The following PI4K2A variants were observed in gnomAD, a reference collection of about 807,000 sequenced individuals.
PI4K2A encodes phosphatidylinositol 4-kinase type 2 alpha.
PI4K2A carries 20 observed loss-of-function variants against 55.0 expected under a neutral mutation model. The observed-to-expected ratio is 0.36, with a 90% CI of 0.26 to 0.53. PI4K2A has a LOEUF of 0.53. Among genes scored for constraint, PI4K2A ranks in the 20% least tolerant of loss-of-function variants. The pLI, the probability that PI4K2A is intolerant of heterozygous loss-of-function variation, is 0.91. For missense variants in PI4K2A, 463 were observed against 637.1 expected (o/e 0.73, Z 2.94); for synonymous variants, 235 against 258.5 (o/e 0.91, Z 0.87).
intron 4 of PI4K2A, among the ~76,000 whole-genome samples, chr10:97,661,676 T>C (rs995214961): frequency 1.2e-4 from 18 of 152,050 alleles, no homozygotes; most frequent in African/African-American, 4.3e-4. Context: ...GTTTCTTAAA[T>C]GTCTTCAATT....
chr10:97,643,907 G>T (rs879180212), intron 1 of PI4K2A, among the ~76,000 whole-genome samples: 1 of 152,124 alleles, frequency 6.6e-6, no homozygotes, highest in South Asian at 2.1e-4. Flanking sequence ...TATTATCCCC[G>T]CAGGTGACAA....
At chr10:97,663,034 T>C (rs1331962239) in intron 5 of PI4K2A, 66 bp downstream of exon 5, 1 of 1,039,618 alleles carries the variant, frequency 9.6e-7, no homozygotes, top group Non-Finnish European at 1.5e-6. Flanking sequence ...ACACATAAAA[T>C]GGTCAGAGAT....
chr10:97,657,154 C>G (rs1280016403), intron 4 of PI4K2A, among the ~76,000 whole-genome samples, 180 bp downstream of exon 4: 1 of 152,150 alleles, frequency 6.6e-6, no homozygotes, highest in African/African-American at 2.4e-5. Flanking sequence ...TTCCTGGTTC[C>G]AGACAGAAGA....
intron 1 of PI4K2A, among the ~76,000 whole-genome samples, chr10:97,650,677 G>T (rs997313948): frequency 6.6e-6 from 1 of 152,216 alleles, no homozygotes; most frequent in Admixed American, 6.5e-5. Context: ...AGGGAAAAGA[G>T]ATGGAGAAGA....
intron 1 of PI4K2A, among the ~76,000 whole-genome samples, chr10:97,650,512 C>G (rs10160210): frequency 0.025 from 3,874 of 152,166 alleles, 154 homozygotes; most frequent in East Asian, 0.14. Flanking sequence ...AAACTCCTGG[C>G]CTCAAATTAT....
intron 6 of PI4K2A, among the ~76,000 whole-genome samples, chr10:97,665,653 C>T (rs60640003): frequency 0.014 from 2,007 of 147,340 alleles, 39 homozygotes; most frequent in African/African-American, 0.048. Flanking sequence ...AGTGCAGTGG[C>T]GCGATCTCGG....
rs376952435 is a variant in PI4K2A, at chr10:97,667,172, T to A, written c.1278+52T>A. 1.1e-5 allele frequency: 15 copies of A among 1,342,424 alleles called. No homozygotes were observed. The African/African-American group carries it at 1.9e-4, about 17-fold the overall frequency. 83.2% of individuals were successfully genotyped at this position (1,342,424 alleles called of 1,614,324 possible). ...CTTTGGCGTCTCTGGGAGTGTTGTGTGCTCAGGTTGAGCAAATGTTTGAAG... is the reference window on the plus strand; with the variant it reads ...CTTTGGCGTCTCTGGGAGTGTTGTGAGCTCAGGTTGAGCAAATGTTTGAAG... On this transcript the variant is annotated intron_variant, in intron 8 of 8. Transcript: ENST00000370631.
intron 4 of PI4K2A, among the ~76,000 whole-genome samples, chr10:97,659,242 C>T (rs1015914334): frequency 3.3e-5 from 5 of 151,448 alleles, no homozygotes; most frequent in Non-Finnish European, 7.3e-5. Context: ...CTGCGTTGCC[C>T]AGACTGGTCT....
intron 1 of PI4K2A, among the ~76,000 whole-genome samples, chr10:97,643,288 C>CT (rs2041487805): frequency 6.6e-6 from 1 of 152,088 alleles, no homozygotes; most frequent in African/African-American, 2.4e-5. Flanking sequence ...CATGCCTGTC[C>CT]TTTTTTTGTG....
At chr10:97,670,736 G>A (rs2041630850) in intron 8 of PI4K2A, among the ~76,000 whole-genome samples, 1 of 152,166 alleles carries the variant, frequency 6.6e-6, no homozygotes, top group Non-Finnish European at 1.5e-5. Flanking sequence ...TTGTGTAAGA[G>A]GATATTTGTG....
chr10:97,649,593 C>A (rs1483498355), intron 1 of PI4K2A, among the ~76,000 whole-genome samples: 2 of 145,822 alleles, frequency 1.4e-5, no homozygotes, highest in East Asian at 4.0e-4. Flanking sequence ...ATTTCCTTAA[C>A]CTCATTCCAT....
At chr10:97,651,950 G>A (rs993018891) in intron 2 of PI4K2A, among the ~76,000 whole-genome samples, 1 of 152,088 alleles carries the variant, frequency 6.6e-6, no homozygotes, top group African/African-American at 2.4e-5. Flanking sequence ...CACTGAGTAC[G>A]TGGCTACCTG....
At chr10:97,647,295 T>C (rs2041509519) in intron 1 of PI4K2A, among the ~76,000 whole-genome samples, 1 of 152,124 alleles carries the variant, frequency 6.6e-6, no homozygotes. Flanking sequence ...CTCTCCTAGA[T>C]ATAATAAAGG....
intron 8 of PI4K2A, 81 bp from the exon 9 acceptor site, chr10:97,673,500 T>C: frequency 9.1e-7 from 1 of 1,096,294 alleles, no homozygotes; most frequent in South Asian, 1.7e-5. Flanking sequence ...TTTGTAGGCG[T>C]CCTCTCTACT....
At chr10:97,652,637 A>G (rs1258998643) in intron 2 of PI4K2A, among the ~76,000 whole-genome samples, 1 of 152,154 alleles carries the variant, frequency 6.6e-6, no homozygotes, top group Non-Finnish European at 1.5e-5. Flanking sequence ...AGCAGATTCT[A>G]TGAGCAAAGA....
intron 1 of PI4K2A, among the ~76,000 whole-genome samples, chr10:97,649,688 A>G (rs1414925781): frequency 1.6e-5 from 2 of 122,168 alleles, no homozygotes; most frequent in Non-Finnish European, 3.2e-5. Context: ...CAGTGGCGTG[A>G]TCTCAGCTCA....
In PI4K2A at chr10:97,647,922, T is replaced by G. The variant is rs539555226; in HGVS notation, c.436-3019T>G. Among the ~76,000 whole-genome samples, 170 of 151,030 alleles carry G rather than the reference T, an allele frequency of 1.1e-3. 2 individuals carry two copies. The highest frequency in any genetic ancestry group is 1.6e-4 in the Non-Finnish European group (11 of 67,820). ...GCCTTCAAGTTCTGCTTGCTTTTTTTTTGTTGTTGTTGTTTAATTTTTCTT... is the reference window on the plus strand; with the variant it reads ...GCCTTCAAGTTCTGCTTGCTTTTTTGTTGTTGTTGTTGTTTAATTTTTCTT... On this transcript the variant is annotated intron_variant, in intron 1 of 8. Transcript: ENST00000370631.
In PI4K2A at chr10:97,650,831, G is replaced by A. The variant is rs745342684; in HGVS notation, c.436-110G>A. The A allele has an allele frequency of 2.7e-5, 21 of 770,902 alleles. No individual in the cohort carries two copies. In the South Asian group the frequency reaches 2.8e-4, roughly 10 times the overall value. 47.8% of individuals were successfully genotyped at this position (770,902 alleles called of 1,614,324 possible). On this transcript the variant is annotated intron_variant, in intron 1 of 8. Transcript: ENST00000370631. ...GAAACCTGAGTCCAACTGTAAGTAG[G>A]AATTGTCTGCCTATGCCCTGTCATT...
At chr10:97,647,098 T>C (rs940199904) in intron 1 of PI4K2A, among the ~76,000 whole-genome samples, 8 of 152,060 alleles carry the variant, frequency 5.3e-5, no homozygotes, top group African/African-American at 1.9e-4. Context: ...CAGTAATTGG[T>C]TGTGGGTTCT....
Sources: allele counts gnomAD v4.1 joint callset (sites outside exome capture counted in the v4.1 genomes callset), GRCh38; gene constraint gnomAD v4.1.1; transcripts MANE v1.5; gene names NCBI Gene and HGNC (gene_info 2026-07-23, HGNC 2026-07-21).